Variants in FYTTD1 observed in about 807,000 individuals in gnomAD.
The protein encoded by FYTTD1 is UAP56-interacting factor.
A neutral mutation model predicts 40.9 loss-of-function variants in FYTTD1; 22 were observed. The observed-to-expected ratio is 0.54, with a 90% CI of 0.38 to 0.77. The LOEUF (loss-of-function observed/expected upper bound fraction) is 0.77. Ranked by LOEUF, FYTTD1 falls within the 30% of genes least tolerant of loss-of-function variation. FYTTD1 has a pLI of 0.00. For synonymous variants in FYTTD1, 140 were observed against 137.9 expected, an observed-to-expected ratio of 1.01 and a Z score of -0.10; for missense variants, 351 against 392.2, an observed-to-expected ratio of 0.90 and a Z score of 0.89.
intron 8 of FYTTD1, among the ~76,000 whole-genome samples, chr3:197,780,732 A>G (rs1016429239): frequency 2.0e-5 from 3 of 151,940 alleles, no homozygotes; most frequent in African/African-American, 4.8e-5. Flanking sequence ...TTTAGTAGAG[A>G]CAGGGTTTCA....
In FYTTD1 at chr3:197,770,068, TTTA is replaced by T. The variant is rs1729671009; in HGVS notation, c.385-61_385-59del. 1.5e-5 allele frequency: 13 copies of T among 894,912 alleles called. No homozygotes were observed. The South Asian group carries it at 2.0e-4, about 14-fold the overall frequency. 55.4% of individuals were successfully genotyped at this position (894,912 alleles called of 1,614,324 possible). A position where few individuals can be genotyped will look rare whatever the true frequency, so the allele number is the denominator to read the frequency against. On this transcript the variant is annotated intron_variant, in intron 3 of 8. Coordinates refer to ENST00000241502, the MANE Select transcript of FYTTD1 (RefSeq NM_032288.7). ...CCTTGTTCATTCTGCATCTGAAATG[TTTA>T]TTGTAGTAGAGTATATAGAAAAATG...
chr3:197,779,152 C>T (rs1018535561), intron 8 of FYTTD1, among the ~76,000 whole-genome samples: 4 of 152,132 alleles, frequency 2.6e-5, no homozygotes, highest in Non-Finnish European at 4.4e-5. Context: ...CGGTGGCTCA[C>T]GCCTGTAATC....
chr3:197,777,146 G>A (rs1221080575), intron 7 of FYTTD1, 145 bp downstream of exon 7: 5 of 588,904 alleles, frequency 8.5e-6, no homozygotes, highest in Non-Finnish European at 1.5e-5. Context: ...TATGGAAACA[G>A]TATATGGTGT....
chr3:197,763,524 C>T (rs1456633124), intron 2 of FYTTD1: 1 of 453,718 alleles, frequency 2.2e-6, no homozygotes, highest in Non-Finnish European at 4.4e-6. Flanking sequence ...TGCTTGTAAT[C>T]CCAGCACTTT....
At chr3:197,764,862 G>A (rs111642162) in intron 2 of FYTTD1, among the ~76,000 whole-genome samples, 124 of 149,916 alleles carry the variant, frequency 8.3e-4, no homozygotes, top group Non-Finnish European at 1.4e-3. Context: ...TTTTTTTTTG[G>A]GGGGGGAGGA....
Position 197,782,099 on chromosome 3 carries a change from A to C in FYTTD1, c.*190A>C, listed in dbSNP as rs1307014809. The C allele has an allele frequency of 1.3e-5, 5 of 391,480 alleles. No individual in the cohort carries two copies. Among genetic ancestry groups the C allele is most frequent in the African/African-American group, 1.0e-4 (5 of 48,074 alleles). 24.3% of individuals were successfully genotyped at this position (391,480 alleles called of 1,614,324 possible). A position where few individuals can be genotyped will look rare whatever the true frequency, so the allele number is the denominator to read the frequency against. On this transcript the variant is annotated 3_prime_UTR_variant, in exon 9 of 9. Transcript: ENST00000241502. Reference sequence around the variant, plus strand: ...ATAATGCCCTGAAAGAATAATAGGGATTATACCTGTCTGTTCTTAAAGATT... The same window carrying C: ...ATAATGCCCTGAAAGAATAATAGGGCTTATACCTGTCTGTTCTTAAAGATT...
At chr3:197,778,527 T>TTATTATAATTCAC in intron 8 of FYTTD1, 63 bp downstream of exon 8, 8 of 1,168,574 alleles carry the variant, frequency 6.8e-6, no homozygotes, top group Non-Finnish European at 8.6e-6. Context: ...AACAAAGTAT[T>TTATTATAATTCAC]TATTATAATA....
intron 2 of FYTTD1, among the ~76,000 whole-genome samples, chr3:197,763,941 A>G (rs35025057): frequency 1.2e-3 from 190 of 152,358 alleles, no homozygotes; most frequent in South Asian, 3.5e-3. Flanking sequence ...AGCTTTGTGA[A>G]CTAGACGCTC....
At chr3:197,774,401 G>A (rs979223350) in intron 6 of FYTTD1, among the ~76,000 whole-genome samples, 191 bp downstream of exon 6, 2 of 152,230 alleles carry the variant, frequency 1.3e-5, no homozygotes, top group African/African-American at 4.8e-5. Context: ...GAGAATTGAT[G>A]GAGCCCAAGA....
At chr3:197,757,458 G>C (rs1580447439) in intron 2 of FYTTD1, among the ~76,000 whole-genome samples, 1 of 152,284 alleles carries the variant, frequency 6.6e-6, no homozygotes, top group East Asian at 1.9e-4. Context: ...AATTAGTTCT[G>C]TGTTTACAGC....
chr3:197,763,702 G>T (rs983897200), intron 2 of FYTTD1: 5 of 210,576 alleles, frequency 2.4e-5, no homozygotes, highest in Non-Finnish European at 3.9e-5. Flanking sequence ...GGGAATATTT[G>T]TATGTTGCTT....
rs981371553 is a variant in FYTTD1 at position 197,783,827 on chromosome 3, A to G, written c.*1918A>G. On this transcript the variant is annotated 3_prime_UTR_variant, in exon 9 of 9. Coordinates refer to ENST00000241502, the MANE Select transcript of FYTTD1 (RefSeq NM_032288.7). ...TACCTATTATTGTATAGAGCTATTC[A>G]TGCCATTTTTTGGGAAAACTTTAAA... 1 of 152,618 alleles carries G rather than the reference A, an allele frequency of 6.6e-6. No individual in the cohort carries two copies. The highest frequency in any genetic ancestry group is 2.4e-5 in the African/African-American group (1 of 41,462). 9.5% of individuals were successfully genotyped at this position (152,618 alleles called of 1,614,324 possible).
At position 197,749,928 on chromosome 3, in the gene FYTTD1, C is replaced by G; in HGVS notation, c.-44C>G. 12 of 1,369,510 alleles carry G rather than the reference C, an allele frequency of 8.8e-6. No homozygotes were observed. Among genetic ancestry groups the G allele is most frequent in the East Asian group, 2.9e-5 (1 of 34,336 alleles). The allele number at this position is 1,369,510 out of a possible 1,614,324, so 84.8% of individuals were successfully genotyped here. ...CGAGTGGGAGGTGGCAGGCCTGCGA[C>G]TCCGGCCTTGTCCGCGCCCGCTCTC... On this transcript the variant is annotated 5_prime_UTR_variant, in exon 1 of 9. Coordinates refer to ENST00000241502, the MANE Select transcript of FYTTD1 (RefSeq NM_032288.7).
intron 2 of FYTTD1, among the ~76,000 whole-genome samples, chr3:197,764,796 A>G (rs956063402): frequency 9.9e-5 from 15 of 151,200 alleles, no homozygotes; most frequent in Admixed American, 4.0e-4. Context: ...GGACCAATGT[A>G]CTGTACTATC....
Position 197,768,546 on chromosome 3 carries a change from A to C in FYTTD1, c.343A>C (p.Lys115Gln). The C allele has an allele frequency of 6.2e-7, 1 of 1,613,892 alleles. No homozygotes were observed. Among genetic ancestry groups the C allele is most frequent in the Non-Finnish European group, 8.5e-7 (1 of 1,179,828 alleles). Reference protein sequence around the residue: ...LAARKTTGIRKGISPMNRPPL... With the variant: ...LAARKTTGIRQGISPMNRPPL... ...AGCTAGGAAAACGACTGGAATTCGAAAAGGAATTAGTCCTATGAATCGTCC... is the reference window on the plus strand; with the variant it reads ...AGCTAGGAAAACGACTGGAATTCGACAAGGAATTAGTCCTATGAATCGTCC... Residue 115 changes from lysine to glutamine, a missense_variant, in exon 3 of 9, where the codon AAA becomes CAA. By Grantham distance (53) the Lys-to-Gln change is moderately conservative. Transcript: ENST00000241502.
At chr3:197,767,863 A>G (rs2109046491) in intron 2 of FYTTD1, among the ~76,000 whole-genome samples, 1 of 152,348 alleles carries the variant, frequency 6.6e-6, no homozygotes, top group African/African-American at 2.4e-5. Flanking sequence ...CTTTAGCAAA[A>G]GCAATTTGAA....
At chr3:197,753,619 G>T (rs563421760) in intron 1 of FYTTD1, among the ~76,000 whole-genome samples, 22 of 151,424 alleles carry the variant, frequency 1.5e-4, no homozygotes, top group Non-Finnish European at 2.9e-4. Flanking sequence ...GAATCCTCTC[G>T]GCCATGGTAG....
chr3:197,749,852 G>A (rs1384425588), upstream of FYTTD1: 4 of 596,586 alleles, frequency 6.7e-6, no homozygotes, highest in South Asian at 6.4e-5. Flanking sequence ...GGTGGAGACC[G>A]AGGACGGCGC....
chr3:197,762,298 TAAA>T (rs1729410639), intron 2 of FYTTD1, among the ~76,000 whole-genome samples: 1 of 145,154 alleles, frequency 6.9e-6, no homozygotes, highest in African/African-American at 2.9e-5. Flanking sequence ...TTTTGGAAAA[TAAA>T]AATAATGAGG....
Sources: allele counts gnomAD v4.1 joint callset (sites outside exome capture counted in the v4.1 genomes callset), GRCh38; gene constraint gnomAD v4.1.1; transcripts MANE v1.5; gene names NCBI Gene and HGNC (gene_info 2026-07-23, HGNC 2026-07-21).